JAK3: variants seen among roughly 807,000 people sequenced by gnomAD.
JAK3 encodes Janus kinase 3.
JAK3 carries 88 observed loss-of-function variants against 120.8 expected under a neutral mutation model. The ratio of observed to expected loss-of-function variants is 0.73; its 90% CI spans 0.61 to 0.87. The LOEUF (loss-of-function observed/expected upper bound fraction) is 0.87. Among genes scored for constraint, JAK3 ranks in the 40% least tolerant of loss-of-function variants. The pLI, the probability that JAK3 is intolerant of heterozygous loss-of-function variation, is 0.00. For synonymous variants in JAK3, 592 were observed against 628.6 expected (o/e 0.94, Z 0.87); for missense variants, 1,254 against 1,501.4 (o/e 0.84, Z 2.72).
chr19:17,831,804 G>A lies in JAK3; in HGVS notation c.2681-6C>T, dbSNP rs2147677197. The A allele has an allele frequency of 6.2e-7, 1 of 1,612,756 alleles. No homozygotes were observed. ...CAGCCGCAGGCTCTGGCGGCCTGGA[G>A]AAGGCAGGATCTGTCACAGCAGGGC... is the stretch of plus-strand genomic sequence containing the variant. On this transcript the variant is annotated splice_region_variant and splice_polypyrimidine_tract_variant and intron_variant, in intron 19 of 23. Transcript: ENST00000458235. The surrounding 1 kb of genome is among the most constrained non-coding windows in gnomAD (Gnocchi z 5.1).
Position 17,843,300 on chromosome 19 carries a change from C to T in JAK3, c.420+80G>A. ...CTGCCACAGGGAGGGTCAGACGAGG[C>T]CCCACCTGATTGCATGCCAGTCCTC... On this transcript the variant is annotated intron_variant, in intron 4 of 23. Transcript: ENST00000458235. This position sits in a 1 kb window ranked among gnomAD's most constrained non-coding sequence, Gnocchi z 5.4. The T allele has an allele frequency of 2.0e-6, 3 of 1,520,554 alleles. No individual in the cohort carries two copies. Among genetic ancestry groups the T allele is most frequent in the Non-Finnish European group, 2.7e-6 (3 of 1,119,440 alleles). 94.2% of individuals were successfully genotyped at this position (1,520,554 alleles called of 1,614,324 possible).
rs755322204 is a variant in JAK3 at position 17,835,142 on chromosome 19, C to T, written c.1988G>A (p.Ser663Asn). ...GTCACTCAGCTTGATGAAGGGCGGG[C>T]TCCCATCAGCCCCCTCCCGAGCCAG... is the stretch of plus-strand genomic sequence containing the variant. ...VLLAREGADG[S>N]PPFIKLSDPG... The change falls in exon 15 of 24, where the codon AGC becomes AAC. Residue 663 changes from serine to asparagine, a missense_variant. Around this residue, in one of 3 missense-constraint regions of JAK3, gnomAD observed 630 missense variants for 819.8 expected, o/e 0.77. Transcript: ENST00000458235. 4 of 1,614,202 alleles carry T rather than the reference C, an allele frequency of 2.5e-6. No individual in the cohort carries two copies. The highest frequency in any genetic ancestry group is 3.4e-6 in the Non-Finnish European group (4 of 1,180,036).
rs1218340856 is a variant in JAK3 at position 17,830,227 on chromosome 19, A to G, written c.3097-9T>C. ...ATCATCCGCAGGAACTCCTGGAGCC[A>G]AGGAGGAGCGCATGTGGTGGGGGAG... On this transcript the variant is annotated splice_polypyrimidine_tract_variant and intron_variant, in intron 22 of 23. Transcript: ENST00000458235. 1 of 1,556,174 alleles carries G rather than the reference A, an allele frequency of 6.4e-7. No individual in the cohort carries two copies.
intron 23 of JAK3, 74 bp from the exon 24 acceptor site, chr19:17,826,984 GT>G: frequency 6.5e-7 from 1 of 1,528,674 alleles, no homozygotes; most frequent in Non-Finnish European, 8.8e-7. Context: ...CAGCGTATTT[GT>G]TTTTGTTTTT....
chr19:17,839,824 T>G (rs2094233757), intron 9 of JAK3, among the ~76,000 whole-genome samples, 161 bp from the exon 10 acceptor site: 1 of 141,762 alleles, frequency 7.1e-6, no homozygotes, highest in Admixed American at 7.4e-5. Context: ...CACTGCAACC[T>G]CCGCCTCCCA....
rs201771231 is a variant in JAK3, at chr19:17,844,381, G to A, written c.37C>T (p.Gln13Ter). 6.2e-7 allele frequency: 1 copy of A among 1,612,228 alleles called. No homozygotes were observed. The highest frequency in any genetic ancestry group is 1.1e-5 in the South Asian group (1 of 90,938). The change falls in exon 2 of 24, where the codon CAG becomes TAG. Residue 13 changes from glutamine (Q) to a stop codon, truncating the protein, a stop_gained. Transcript: ENST00000458235. LOFTEE classifies it high-confidence loss of function. ...GTGGACAAGAGGCTGCATGAACGCTGAGGGATCAGGGGCGTCTCTTCACTT... is the reference window on the plus strand; with the variant it reads ...GTGGACAAGAGGCTGCATGAACGCTAAGGGATCAGGGGCGTCTCTTCACTT... ...PPSEETPLIP[Q>*]RSCSLLSTEA...
chr19:17,845,451 G>A (rs1347238397), intron 1 of JAK3, among the ~76,000 whole-genome samples: 1 of 152,098 alleles, frequency 6.6e-6, no homozygotes, highest in African/African-American at 2.4e-5. Flanking sequence ...CACCGCGCCT[G>A]GCCGAGACCA....
chr19:17,845,219 G>A (rs2094249406), intron 1 of JAK3, among the ~76,000 whole-genome samples: 1 of 152,170 alleles, frequency 6.6e-6, no homozygotes, highest in African/African-American at 2.4e-5. Context: ...CCAGGCTGGA[G>A]TGCAGTGGCG....
At chr19:17,847,838 C>T in intron 1 of JAK3, 108 bp downstream of exon 1, 2 of 413,034 alleles carry the variant, frequency 4.8e-6, no homozygotes, top group Non-Finnish European at 6.7e-6. Flanking sequence ...GCCTGGAAGG[C>T]GAGCTAGCCT....
In JAK3 at chr19:17,832,725, C is replaced by T; in HGVS notation, c.2491-17G>A. The T allele has an allele frequency of 1.2e-6, 2 of 1,614,256 alleles. No individual in the cohort carries two copies. The highest frequency in any genetic ancestry group is 2.2e-5 in the South Asian group (2 of 91,084). On this transcript the variant is annotated splice_polypyrimidine_tract_variant and intron_variant, in intron 18 of 23. Transcript: ENST00000458235. This position sits in a 1 kb window ranked among gnomAD's most constrained non-coding sequence, Gnocchi z 4.7. Reference sequence around the variant, plus strand: ...AAAGTTGCCCTGGGGGATAGCGGGACTGATGTCCAGGCACCTGGATGCTGC... The same window carrying T: ...AAAGTTGCCCTGGGGGATAGCGGGATTGATGTCCAGGCACCTGGATGCTGC...
At position 17,843,141 on chromosome 19, in the gene JAK3, G is replaced by C. The variant is rs55778349; in HGVS notation, c.452C>G (p.Pro151Arg). 7.8e-3 allele frequency: 12,489 copies of C among 1,608,004 alleles called. 59 individuals carry two copies. The highest frequency in any genetic ancestry group is 0.015 in the Middle Eastern group (88 of 6,052). ...HRSDLVSGRL[P>R]VGLSLKEQGE... The stretch of plus-strand genomic sequence containing the variant: ...CTGCTCCTTGAGACTGAGGCCCACG[G>C]GGAGGCGCCCACTCACCAGGTCACT... The change falls in exon 5 of 24, where the codon CCC becomes CGC. Residue 151 changes from proline to arginine, a missense_variant. Pro to Arg is a moderately radical substitution (Grantham distance 103). Coordinates refer to ENST00000458235, the MANE Select transcript of JAK3 (RefSeq NM_000215.4). The surrounding 1 kb of genome is among the most constrained non-coding windows in gnomAD (Gnocchi z 5.4).
In JAK3 at chr19:17,832,234, C is replaced by T. The variant is rs1221312079; in HGVS notation, c.2680+285G>A. Among the ~76,000 whole-genome samples, 1 of 152,168 alleles carries T rather than the reference C, an allele frequency of 6.6e-6. No individual in the cohort carries two copies. The highest frequency in any genetic ancestry group is 2.4e-5 in the African/African-American group (1 of 41,438). Reference sequence around the variant, plus strand: ...CCGAGATTGAGCCACTGCCTCCAGCCTGGGTGACAGAGCGAGACTCTGTCT... The same window carrying T: ...CCGAGATTGAGCCACTGCCTCCAGCTTGGGTGACAGAGCGAGACTCTGTCT... On this transcript the variant is annotated intron_variant, in intron 19 of 23. Transcript: ENST00000458235. The surrounding 1 kb of genome is among the most constrained non-coding windows in gnomAD (Gnocchi z 4.7).
intron 12 of JAK3, 95 bp downstream of exon 12, chr19:17,837,837 C>T (rs781192499): frequency 2.4e-5 from 38 of 1,565,440 alleles, no homozygotes; most frequent in South Asian, 3.3e-5. Flanking sequence ...TGAGCCACCA[C>T]GCCCAGGTCC....
intron 1 of JAK3, among the ~76,000 whole-genome samples, chr19:17,845,918 A>T (rs1027405175): frequency 5.3e-5 from 8 of 151,966 alleles, no homozygotes; most frequent in Admixed American, 1.3e-4. Flanking sequence ...CCTGGGTTCA[A>T]GTGATTCTCC....
intron 17 of JAK3, among the ~76,000 whole-genome samples, chr19:17,834,105 T>C (rs904143960): frequency 6.6e-6 from 1 of 152,002 alleles, no homozygotes; most frequent in Non-Finnish European, 1.5e-5. Context: ...CCCAGCACTT[T>C]AGGAGGTAGA....
intron 8 of JAK3, among the ~76,000 whole-genome samples, chr19:17,840,580 C>T (rs1009301974): frequency 2.6e-4 from 39 of 151,940 alleles, no homozygotes; most frequent in African/African-American, 8.7e-4. Flanking sequence ...TGGCTAACAC[C>T]GTGAAACCCC....
In JAK3 at chr19:17,841,885, C is replaced by T. The variant is rs1054785997; in HGVS notation, c.862-123G>A. 2 of 1,368,074 alleles carry T rather than the reference C, an allele frequency of 1.5e-6. No homozygotes were observed. Among genetic ancestry groups the T allele is most frequent in the Admixed American group, 2.0e-5 (1 of 50,936 alleles). The allele number at this position is 1,368,074 out of a possible 1,614,324, so 84.7% of individuals were successfully genotyped here. On this transcript the variant is annotated intron_variant, in intron 6 of 23. Coordinates refer to ENST00000458235, the MANE Select transcript of JAK3 (RefSeq NM_000215.4). The surrounding 1 kb of genome is among the most constrained non-coding windows in gnomAD (Gnocchi z 4.1). The stretch of plus-strand genomic sequence containing the variant: ...CCTTTGCCATTCAACCCTTCCAAGC[C>T]GCGCCCCCTCCTATCAACTCCAACC...
chr19:17,837,092 G>T, intron 13 of JAK3, 37 bp downstream of exon 13: 1 of 1,428,596 alleles, frequency 7.0e-7, no homozygotes, highest in Non-Finnish European at 9.6e-7. Flanking sequence ...AGACTTGGGT[G>T]AGGCAGGGGT....
chr19:17,827,611 G>T (rs1251051549), intron 23 of JAK3, among the ~76,000 whole-genome samples: 2 of 150,766 alleles, frequency 1.3e-5, no homozygotes, highest in African/African-American at 4.9e-5. Context: ...CCTCCTAAAG[G>T]GCTGGGATTA....
Sources: allele counts gnomAD v4.1 joint callset (sites outside exome capture counted in the v4.1 genomes callset), GRCh38; gene constraint gnomAD v4.1.1; regional missense constraint gnomAD v4.1.1; non-coding constraint Gnocchi (gnomAD v3.1); transcripts MANE v1.5; gene names NCBI Gene and HGNC (gene_info 2026-07-23, HGNC 2026-07-21).